CR1L: variants seen among roughly 807,000 people sequenced by gnomAD.
The protein encoded by CR1L is complement component receptor 1-like protein.
In CR1L, 59 loss-of-function variants were observed where a neutral mutation model predicts 62.3. That is an observed-to-expected ratio of 0.95 (90% CI 0.77 to 1.18). The LOEUF is 1.18. Ranked by LOEUF, CR1L falls within the 50% of genes most tolerant of loss-of-function variation. CR1L has a pLI of 0.00. For synonymous variants in CR1L, 279 were observed against 248.7 expected (o/e 1.12, Z -1.15); for missense variants, 700 against 702.8 (o/e 1.00, Z 0.04).
intron 1 of CR1L, among the ~76,000 whole-genome samples, chr1:207,676,974 G>A (rs574376795): frequency 6.6e-6 from 1 of 152,244 alleles, no homozygotes; most frequent in African/African-American, 2.4e-5. Flanking sequence ...TATTAGTGAA[G>A]TCTTCTTTTT....
At chr1:207,673,334 T>C (rs1332902777) in intron 1 of CR1L, among the ~76,000 whole-genome samples, 1 of 152,248 alleles carries the variant, frequency 6.6e-6, no homozygotes, top group Non-Finnish European at 1.5e-5. Context: ...TGTGTACATA[T>C]ATAATTTATT....
intron 5 of CR1L, among the ~76,000 whole-genome samples, chr1:207,696,884 A>G (rs1323335547): frequency 6.6e-6 from 1 of 152,216 alleles, no homozygotes; most frequent in Non-Finnish European, 1.5e-5. Flanking sequence ...ATTTTGTTCG[A>G]CAGTTGCCCA....
At chr1:207,691,084 A>G (rs1237352528) in intron 4 of CR1L, among the ~76,000 whole-genome samples, 1 of 152,250 alleles carries the variant, frequency 6.6e-6, no homozygotes, top group Admixed American at 6.5e-5. Flanking sequence ...AACTATGACT[A>G]TGAATTTGCC....
chr1:207,648,174 A>AACACACACACAC (rs71154832), intron 1 of CR1L, among the ~76,000 whole-genome samples: 11 of 125,378 alleles, frequency 8.8e-5, no homozygotes, highest in Middle Eastern at 3.9e-3. Flanking sequence ...CCCGGTCTCA[A>AACACACACACAC]ACACACACAC....
intron 3 of CR1L, among the ~76,000 whole-genome samples, chr1:207,682,550 G>A (rs900388679): frequency 1.9e-4 from 29 of 152,304 alleles, no homozygotes; most frequent in African/African-American, 6.3e-4. Context: ...AATGTGTCAA[G>A]TGTCTGCAGA....
intron 1 of CR1L, among the ~76,000 whole-genome samples, chr1:207,651,113 T>A (rs1252407717): frequency 6.6e-6 from 1 of 152,076 alleles, no homozygotes; most frequent in Non-Finnish European, 1.5e-5. Flanking sequence ...TTACTAAAAC[T>A]CACCTGGAAC....
Position 207,678,243 on chromosome 1 carries a change from A to G in CR1L, c.323A>G (p.His108Arg). ...NPPDPVNGMA[H>R]VIKDIQFRSQ... ...CCAGATCCTGTGAATGGCATGGCAC[A>G]TGTGATCAAAGACATCCAGTTCAGA... The change falls in exon 3 of 12, where the codon CAT becomes CGT. Residue 108 changes from histidine to arginine, a missense_variant. Transcript: ENST00000508064. 1 of 1,613,778 alleles carries G rather than the reference A, an allele frequency of 6.2e-7. No individual in the cohort carries two copies. The highest frequency in any genetic ancestry group is 1.1e-5 in the South Asian group (1 of 91,082).
intron 11 of CR1L, among the ~76,000 whole-genome samples, chr1:207,721,739 C>T (rs1427339911): frequency 2.0e-5 from 3 of 151,950 alleles, no homozygotes; most frequent in East Asian, 3.9e-4. Flanking sequence ...ATGGTATTTC[C>T]AGTTCTAGAT....
chr1:207,675,607 C>T (rs1423156781), intron 1 of CR1L, among the ~76,000 whole-genome samples: 1 of 152,184 alleles, frequency 6.6e-6, no homozygotes, highest in Admixed American at 6.5e-5. Context: ...TTGTACAAAG[C>T]CAAAAGTTGG....
At chr1:207,652,817 A>G in intron 1 of CR1L, 2 of 543,986 alleles carry the variant, frequency 3.7e-6, no homozygotes, top group Non-Finnish European at 6.6e-6. Flanking sequence ...TCCACTATGG[A>G]GATGATGATT....
chr1:207,659,648 C>T (rs1479671866), intron 1 of CR1L, among the ~76,000 whole-genome samples: 2 of 152,182 alleles, frequency 1.3e-5, no homozygotes, highest in Admixed American at 1.3e-4. Context: ...CTCACTGGGA[C>T]TGGTTGGACA....
At chr1:207,697,975 G>C (rs45575738) in intron 7 of CR1L, 102 bp downstream of exon 7, 241,522 of 1,256,300 alleles carry the variant, frequency 0.19, 15,166 homozygotes, top group Non-Finnish European at 0.22. Flanking sequence ...CAGACAGACA[G>C]ACACACACAC....
chr1:207,655,669 C>T (rs1663296376), intron 1 of CR1L, among the ~76,000 whole-genome samples: 1 of 152,156 alleles, frequency 6.6e-6, no homozygotes, highest in African/African-American at 2.4e-5. Flanking sequence ...AACTCCCGTG[C>T]TCAAGCAATC....
chr1:207,645,705 T>C (rs756651114), intron 1 of CR1L, among the ~76,000 whole-genome samples: 4 of 152,180 alleles, frequency 2.6e-5, no homozygotes, highest in Non-Finnish European at 5.9e-5. Context: ...CTAGAGCCCG[T>C]GCTGTGCCCG....
chr1:207,684,544 G>A (rs549513614), intron 4 of CR1L, among the ~76,000 whole-genome samples: 3 of 152,194 alleles, frequency 2.0e-5, no homozygotes, highest in Non-Finnish European at 4.4e-5. Context: ...CTATGGTTTG[G>A]AAATAATCTA....
intron 1 of CR1L, chr1:207,669,705 T>G (rs1378126010): frequency 1.6e-5 from 9 of 561,620 alleles, no homozygotes; most frequent in East Asian, 3.2e-5. Context: ...CTGAGCGCGC[T>G]ACCTGGCAGG....
At chr1:207,680,183 T>C (rs1276579614) in intron 3 of CR1L, among the ~76,000 whole-genome samples, 5 of 152,214 alleles carry the variant, frequency 3.3e-5, no homozygotes, top group East Asian at 1.9e-4. Context: ...ATGTTTATAA[T>C]AGGGGAGGCT....
intron 1 of CR1L, among the ~76,000 whole-genome samples, chr1:207,654,167 A>G (rs908367509): frequency 6.6e-5 from 10 of 152,218 alleles, no homozygotes; most frequent in Non-Finnish European, 1.0e-4. Flanking sequence ...TTAAATTTCA[A>G]TAAGAGTTTT....
intron 4 of CR1L, 66 bp from the exon 5 acceptor site, chr1:207,694,287 C>T: frequency 6.4e-7 from 1 of 1,570,368 alleles, no homozygotes; most frequent in Non-Finnish European, 8.7e-7. Context: ...AAAATAGTTA[C>T]AGTTTAGTGA....
Sources: gnomAD v4.1 joint callset for allele counts (sites outside exome capture counted in the v4.1 genomes callset) on GRCh38, gnomAD v4.1.1 for gene constraint, MANE v1.5 for transcripts, NCBI Gene and HGNC (gene_info 2026-07-23, HGNC 2026-07-21) for gene names.